The following NCAPD2 variants were observed in gnomAD, a reference collection of about 807,000 sequenced individuals.
The protein encoded by NCAPD2 is condensin complex subunit 1.
NCAPD2 carries 100 observed loss-of-function variants against 164.5 expected under a neutral mutation model. That is an observed-to-expected ratio of 0.61 (90% CI 0.52 to 0.72). The LOEUF is 0.72. Ranked by LOEUF, NCAPD2 falls within the 30% of genes least tolerant of loss-of-function variation. NCAPD2 has a pLI of 0.00. For synonymous variants in NCAPD2, 585 were observed against 642.6 expected (o/e 0.91, Z 1.36); for missense variants, 1,560 against 1,749.2 (o/e 0.89, Z 1.93).
chr12:6,501,697 G>A (rs761166000), intron 2 of NCAPD2, among the ~76,000 whole-genome samples: 1 of 152,146 alleles, frequency 6.6e-6, no homozygotes, highest in Non-Finnish European at 1.5e-5. Context: ...TGTAGATGGA[G>A]AAGAGCAGCA....
At chr12:6,506,100 A>G (rs1490723153) in intron 2 of NCAPD2, among the ~76,000 whole-genome samples, 2 of 151,928 alleles carry the variant, frequency 1.3e-5, no homozygotes, top group Non-Finnish European at 2.9e-5. Flanking sequence ...CTAGGACTAC[A>G]GGTGCACCCC....
intron 2 of NCAPD2, among the ~76,000 whole-genome samples, chr12:6,507,243 C>T (rs1946106811): frequency 6.6e-6 from 1 of 152,222 alleles, no homozygotes; most frequent in African/African-American, 2.4e-5. Flanking sequence ...TCCCAAAGTG[C>T]TGGGATTACA....
At chr12:6,499,952 C>G (rs1035798708) in intron 2 of NCAPD2, among the ~76,000 whole-genome samples, 1 of 152,132 alleles carries the variant, frequency 6.6e-6, no homozygotes, top group Admixed American at 6.5e-5. Context: ...GAAACCCCAT[C>G]TCTACCAAAA....
chr12:6,508,509 C>G (rs547808089), intron 2 of NCAPD2, among the ~76,000 whole-genome samples: 1 of 151,818 alleles, frequency 6.6e-6, no homozygotes, highest in Admixed American at 6.6e-5. Context: ...AAGTGAATAA[C>G]TAAATAAAGG....
In NCAPD2 at chr12:6,509,775, T is replaced by G. The variant is rs991604625; in HGVS notation, c.186T>G (p.Thr62=). Residue 62 remains threonine (T), a synonymous_variant, in exon 3 of 32, where the codon ACT becomes ACG. Coordinates refer to ENST00000315579, the MANE Select transcript of NCAPD2 (RefSeq NM_014865.4). ...GPLAMLQHFD[T]IYSILHHFRS... ...TGGCTATGCTGCAGCACTTTGATAC[T>G]ATCTACAGCATTTTGCAGTAAGTGA... 6 of 1,614,048 alleles carry G rather than the reference T, an allele frequency of 3.7e-6. No homozygotes were observed. Among genetic ancestry groups the G allele is most frequent in the Non-Finnish European group, 5.1e-6 (6 of 1,179,974 alleles).
intron 2 of NCAPD2, among the ~76,000 whole-genome samples, chr12:6,505,513 C>A (rs1180380602): frequency 6.6e-6 from 1 of 152,144 alleles, no homozygotes; most frequent in Non-Finnish European, 1.5e-5. Context: ...ACAGTGTGTA[C>A]TGAAGTGAAT....
chr12:6,530,675 C>T lies in NCAPD2; in HGVS notation c.3838-16C>T, dbSNP rs767252088. 6 of 1,613,746 alleles carry T rather than the reference C, an allele frequency of 3.7e-6. No individual in the cohort carries two copies. Among genetic ancestry groups the T allele is most frequent in the Non-Finnish European group, 5.1e-6 (6 of 1,179,964 alleles). On this transcript the variant is annotated splice_polypyrimidine_tract_variant and intron_variant, in intron 29 of 31. Transcript: ENST00000315579. ...CTGTTTTCAGGCCTGCTCTGAATCT[C>T]CTTTTCTCCCTCCAGGCTATAATAG... is the stretch of plus-strand genomic sequence containing the variant.
chr12:6,510,177 CGTTT>C (rs762158462), intron 4 of NCAPD2, 44 bp downstream of exon 4: 36 of 1,537,924 alleles, frequency 2.3e-5, no homozygotes, highest in East Asian at 2.0e-4. Context: ...TGTTTGTTAT[CGTTT>C]GTTTGTTTGT....
chr12:6,511,133 A>G lies in NCAPD2; in HGVS notation c.468A>G (p.Ala156=), dbSNP rs1386204200. 1 of 1,614,140 alleles carries G rather than the reference A, an allele frequency of 6.2e-7. No homozygotes were observed. The highest frequency in any genetic ancestry group is 1.1e-5 in the South Asian group (1 of 91,078). The change falls in exon 6 of 32, where the codon GCA becomes GCG. Residue 156 remains alanine, a synonymous_variant. Coordinates refer to ENST00000315579, the MANE Select transcript of NCAPD2 (RefSeq NM_014865.4). ...GGKGKKARTK[A]AHGFDWEEER... ...AGGGTAAGAAAGCTCGGACCAAGGC[A>G]GCCCATGGCTTTGACTGGGAAGAAG...
In NCAPD2 at chr12:6,528,374, A is replaced by C; in HGVS notation, c.3299+46A>C. The C allele has an allele frequency of 1.9e-6, 3 of 1,609,448 alleles. No homozygotes were observed. Among genetic ancestry groups the C allele is most frequent in the Non-Finnish European group, 2.5e-6 (3 of 1,177,514 alleles). ...TGGTGGCAGTTCCCAGGAGCCCCGGAGTCTGTTGAGAGTCAGTGTGAGAAT... is the reference window on the plus strand; with the variant it reads ...TGGTGGCAGTTCCCAGGAGCCCCGGCGTCTGTTGAGAGTCAGTGTGAGAAT... On this transcript the variant is annotated intron_variant, in intron 25 of 31. Transcript: ENST00000315579. This position sits in a 1 kb window ranked among gnomAD's most constrained non-coding sequence, Gnocchi z 5.1.
chr12:6,525,731 T>C lies in NCAPD2; in HGVS notation c.2348+15T>C, dbSNP rs1258877538. On this transcript the variant is annotated intron_variant, in intron 18 of 31. Coordinates refer to ENST00000315579, the MANE Select transcript of NCAPD2 (RefSeq NM_014865.4). The stretch of plus-strand genomic sequence containing the variant: ...ATGATGGCACGGTGAGGCTCAAATC[T>C]AGCAGGCAATGGGGTGGGAGAGCAA... 4 of 1,611,460 alleles carry C rather than the reference T, an allele frequency of 2.5e-6. No homozygotes were observed. In the South Asian group the frequency reaches 4.4e-5, roughly 18 times the overall value.
At chr12:6,508,032 G>A (rs1946112660) in intron 2 of NCAPD2, among the ~76,000 whole-genome samples, 1 of 151,264 alleles carries the variant, frequency 6.6e-6, no homozygotes, top group Non-Finnish European at 1.5e-5. Flanking sequence ...AAAATTAACA[G>A]AAAAAAAAAT....
intron 2 of NCAPD2, among the ~76,000 whole-genome samples, chr12:6,504,220 T>TACAC (rs1946076520): frequency 1.2e-4 from 3 of 25,352 alleles, no homozygotes; most frequent in Non-Finnish European, 1.9e-4. Context: ...TATATATAGA[T>TACAC]ATAGATATAT....
At chr12:6,506,228 G>A (rs918776390) in intron 2 of NCAPD2, among the ~76,000 whole-genome samples, 11 of 151,956 alleles carry the variant, frequency 7.2e-5, no homozygotes, top group Non-Finnish European at 2.9e-5. Context: ...AAAGTGGTGG[G>A]GTTACAAGTG....
At position 6,517,005 on chromosome 12, in the gene NCAPD2, A is replaced by T; in HGVS notation, c.1165A>T (p.Thr389Ser). ...FVRSRVLQLF[T>S]RIVQQKALPL... ...GCGGAGCCGTGTTTTGCAGCTCTTC[A>T]CCCGAATTGTCCAGCAGAAGGTAAC... is the stretch of plus-strand genomic sequence containing the variant. Residue 389 changes from threonine to serine, a missense_variant, in exon 10 of 32, where the codon ACC becomes TCC. By Grantham distance (58) the Thr-to-Ser change is moderately conservative. Transcript: ENST00000315579. The T allele has an allele frequency of 6.2e-7, 1 of 1,614,138 alleles. No homozygotes were observed. Among genetic ancestry groups the T allele is most frequent in the Non-Finnish European group, 8.5e-7 (1 of 1,180,016 alleles).
intron 12 of NCAPD2, 46 bp downstream of exon 12, chr12:6,517,729 C>G (rs372888512): frequency 1.1e-5 from 18 of 1,613,948 alleles, no homozygotes; most frequent in African/African-American, 4.0e-5. Flanking sequence ...CAGGCTTCTC[C>G]TTGCAGTCAG....
intron 2 of NCAPD2, among the ~76,000 whole-genome samples, chr12:6,509,371 C>T (rs1226652512): frequency 6.6e-6 from 1 of 152,134 alleles, no homozygotes; most frequent in Non-Finnish European, 1.5e-5. Context: ...AAGCAATTCT[C>T]CTGCCTCAGC....
chr12:6,503,964 C>T (rs1592165983), intron 2 of NCAPD2, among the ~76,000 whole-genome samples: 2 of 151,674 alleles, frequency 1.3e-5, no homozygotes, highest in African/African-American at 2.4e-5. Flanking sequence ...GGCGACAGAG[C>T]GAGACTCCGT....
At chr12:6,505,102 G>T (rs1323139614) in intron 2 of NCAPD2, among the ~76,000 whole-genome samples, 1 of 152,188 alleles carries the variant, frequency 6.6e-6, no homozygotes, top group East Asian at 1.9e-4. Flanking sequence ...TTTCACTCTT[G>T]TTGCCCAGGC....
Sources: allele counts gnomAD v4.1 joint callset (sites outside exome capture counted in the v4.1 genomes callset), GRCh38; gene constraint gnomAD v4.1.1; non-coding constraint Gnocchi (gnomAD v3.1); transcripts MANE v1.5; gene names NCBI Gene and HGNC (gene_info 2026-07-23, HGNC 2026-07-21).